The following NAALADL2 variants were observed in gnomAD, a reference collection of about 807,000 sequenced individuals.
NAALADL2 encodes the protein N-acetylated alpha-linked acidic dipeptidase like 2, also known as inactive N-acetylated-alpha-linked acidic dipeptidase-like protein 2.
NAALADL2 carries 76 observed loss-of-function variants against 87.2 expected under a neutral mutation model. The ratio of observed to expected loss-of-function variants is 0.87; its 90% CI spans 0.72 to 1.05. The LOEUF (loss-of-function observed/expected upper bound fraction) is 1.05. Among genes scored for constraint, NAALADL2 ranks in the 50% least tolerant of loss-of-function variants. The pLI, the probability that NAALADL2 is intolerant of heterozygous loss-of-function variation, is 0.00. For missense variants in NAALADL2, 1,089 were observed against 945.8 expected, an observed-to-expected ratio of 1.15 and a Z score of -1.99; for synonymous variants, 354 against 331.0, an observed-to-expected ratio of 1.07 and a Z score of -0.75.
chr3:175,739,254 C>G (rs528388007), intron 12 of NAALADL2, among the ~76,000 whole-genome samples: 1 of 152,240 alleles, frequency 6.6e-6, no homozygotes, highest in East Asian at 1.9e-4. Context: ...GTTTATTCTT[C>G]AAAATTCATA....
intron 1 of NAALADL2, among the ~76,000 whole-genome samples, chr3:174,990,276 T>C (rs1172031441): frequency 6.6e-6 from 1 of 152,198 alleles, no homozygotes; most frequent in Admixed American, 6.5e-5. Context: ...TATCTGATCA[T>C]GTTGGCATGA....
intron 1 of NAALADL2, among the ~76,000 whole-genome samples, chr3:174,948,876 G>A (rs998578065): frequency 1.3e-5 from 2 of 152,144 alleles, no homozygotes; most frequent in African/African-American, 2.4e-5. Flanking sequence ...GATAGACTGG[G>A]TGACTTATAA....
intron 2 of NAALADL2, among the ~76,000 whole-genome samples, chr3:175,172,468 A>G (rs1307449180): frequency 6.6e-6 from 1 of 152,184 alleles, no homozygotes; most frequent in East Asian, 1.9e-4. Flanking sequence ...ATAACCCTGT[A>G]GTTCTTCAGT....
intron 11 of NAALADL2, among the ~76,000 whole-genome samples, chr3:175,684,097 T>C (rs918399324): frequency 1.6e-4 from 24 of 151,840 alleles, no homozygotes; most frequent in Admixed American, 1.3e-3. Context: ...GTAAAGGAGA[T>C]GCATTATATT....
rs771221998 is a variant in NAALADL2 at position 174,836,240 on chromosome 3, A to G, written c.-9+98494A>G. On this transcript the variant is annotated intron_variant, in intron 3 of 3. Coordinates refer to the NAALADL2 transcript ENST00000434257. ...AAGTGAAATAAGCTAGTCGCAAAAA[A>G]TAGCCACTGTATGATTCCACTTACA... Among the ~76,000 whole-genome samples, 9 of 152,308 alleles carry G rather than the reference A, an allele frequency of 5.9e-5. No homozygotes were observed. In the South Asian group the frequency reaches 8.3e-4, roughly 14 times the overall value.
chr3:175,483,050 T>A (rs991203560), intron 9 of NAALADL2, among the ~76,000 whole-genome samples: 3 of 151,970 alleles, frequency 2.0e-5, no homozygotes, highest in African/African-American at 7.2e-5. Flanking sequence ...ATTTCACAAA[T>A]GCACAAAATC....
chr3:175,013,292 TATATATA>T (rs1347975458), intron 1 of NAALADL2, among the ~76,000 whole-genome samples: 7 of 85,548 alleles, frequency 8.2e-5, no homozygotes, highest in African/African-American at 4.7e-4. Context: ...TATATATATA[TATATATA>T]TATTTTTTTT....
At chr3:174,901,436 G>A (rs1036229873) in intron 1 of NAALADL2, among the ~76,000 whole-genome samples, 2 of 152,172 alleles carry the variant, frequency 1.3e-5, no homozygotes, top group Non-Finnish European at 2.9e-5. Context: ...ACATGAAGTA[G>A]GCTTTAGGAT....
At chr3:174,665,503 A>G (rs1363081919) in intron 2 of NAALADL2, among the ~76,000 whole-genome samples, 1 of 152,160 alleles carries the variant, frequency 6.6e-6, no homozygotes, top group Non-Finnish European at 1.5e-5. Flanking sequence ...TTTATTCTTC[A>G]TAATGCAATT....
At chr3:175,002,771 A>ACTG (rs1748418840) in intron 1 of NAALADL2, among the ~76,000 whole-genome samples, 1 of 152,174 alleles carries the variant, frequency 6.6e-6, no homozygotes, top group Non-Finnish European at 1.5e-5. Flanking sequence ...AAGAAACATC[A>ACTG]CTGTTTTGGT....
At chr3:175,057,987 A>G (rs1712581769) in intron 1 of NAALADL2, among the ~76,000 whole-genome samples, 1 of 152,238 alleles carries the variant, frequency 6.6e-6, no homozygotes, top group South Asian at 2.1e-4. Flanking sequence ...TCTATGTACC[A>G]TAATTAAATG....
At position 175,655,788 on chromosome 3, in the gene NAALADL2, C is replaced by T. The variant is rs140209135; in HGVS notation, c.1896+28402C>T. ...AGGTTGTCATATTGCTTTAGACTAC[C>T]GTTACTTTTCCATTTTCTATTCTCA... On this transcript the variant is annotated intron_variant, in intron 11 of 13. Coordinates refer to ENST00000454872, the MANE Select transcript of NAALADL2 (RefSeq NM_207015.3). 1.5e-3 allele frequency among the ~76,000 whole-genome samples: 221 copies of T among 152,182 alleles called. 1 individual carries two copies. The highest frequency in any genetic ancestry group is 4.7e-3 in the African/African-American group (196 of 41,548).
At chr3:175,685,372 T>G (rs1279420874) in intron 11 of NAALADL2, among the ~76,000 whole-genome samples, 1 of 152,140 alleles carries the variant, frequency 6.6e-6, no homozygotes, top group East Asian at 1.9e-4. Context: ...GAAATGGTTC[T>G]TAACTTTGGT....
At chr3:174,851,361 C>CA (rs1560286527) in intron 3 of NAALADL2, among the ~76,000 whole-genome samples, 2 of 68,194 alleles carry the variant, frequency 2.9e-5, no homozygotes, top group African/African-American at 1.1e-4. Flanking sequence ...TTCAGCCAGA[C>CA]TAAAAAAAAA....
intron 3 of NAALADL2, among the ~76,000 whole-genome samples, chr3:174,738,804 TA>T (rs1443474605): frequency 3.9e-5 from 6 of 152,332 alleles, no homozygotes; most frequent in Admixed American, 3.9e-4. Flanking sequence ...AAGTAAAAAT[TA>T]AACCATTTTT....
chr3:174,565,535 A>G (rs868268675), intron 2 of NAALADL2, among the ~76,000 whole-genome samples: 3 of 152,022 alleles, frequency 2.0e-5, no homozygotes, highest in South Asian at 4.1e-4. Flanking sequence ...ACAGTATTAC[A>G]TTTTATAAGT....
intron 1 of NAALADL2, among the ~76,000 whole-genome samples, chr3:174,525,412 GAGCAAT>G (rs553427543): frequency 7.5e-4 from 114 of 152,336 alleles, no homozygotes; most frequent in Non-Finnish European, 1.4e-3. Flanking sequence ...CAGATGGCGA[GAGCAAT>G]AGCAAGAGCA....
At chr3:175,792,497 C>T (rs1236972369) in intron 13 of NAALADL2, among the ~76,000 whole-genome samples, 1 of 152,086 alleles carries the variant, frequency 6.6e-6, no homozygotes, top group East Asian at 1.9e-4. Context: ...ATCTTGAATA[C>T]TTACTATTCA....
intron 1 of NAALADL2, among the ~76,000 whole-genome samples, chr3:174,873,181 AACTC>A (rs1195982046): frequency 2.7e-5 from 4 of 148,398 alleles, no homozygotes; most frequent in Admixed American, 6.6e-5. Context: ...ATTAAACTAA[AACTC>A]ACTCTCTCTG....
Sources: gnomAD v4.1 joint callset for allele counts (sites outside exome capture counted in the v4.1 genomes callset) on GRCh38, gnomAD v4.1.1 for gene constraint, MANE v1.5 for transcripts, NCBI Gene and HGNC (gene_info 2026-07-23, HGNC 2026-07-21) for gene names.